Variants in MROH9 observed in about 807,000 individuals in gnomAD.
MROH9 encodes the protein maestro heat-like repeat-containing protein family member 9.
MROH9 carries 92 observed loss-of-function variants against 98.2 expected under a neutral mutation model. That is an observed-to-expected ratio of 0.94 (90% CI 0.79 to 1.11). The LOEUF is 1.11. Ranked by LOEUF, MROH9 falls within the 50% of genes most tolerant of loss-of-function variation. The probability of loss-of-function intolerance (pLI) is 0.00; values close to 1 mark genes in which losing one functional copy is unlikely to be tolerated. For missense variants in MROH9, 1,057 were observed against 1,014.8 expected (o/e 1.04, Z -0.57); for synonymous variants, 397 against 368.9 (o/e 1.08, Z -0.87).
intron 8 of MROH9, among the ~76,000 whole-genome samples, chr1:170,978,704 A>G (rs1245074878): frequency 6.6e-6 from 1 of 151,686 alleles, no homozygotes; most frequent in East Asian, 1.9e-4. Flanking sequence ...ATTGAAGGGG[A>G]CAGGTGGGAG....
At chr1:171,040,603 C>T (rs947117432) in intron 20 of MROH9, among the ~76,000 whole-genome samples, 2 of 152,018 alleles carry the variant, frequency 1.3e-5, no homozygotes, top group Non-Finnish European at 1.5e-5. Context: ...TGCATTTAAA[C>T]CTCAGAATGG....
intron 20 of MROH9, among the ~76,000 whole-genome samples, chr1:171,055,678 G>A (rs929440786): frequency 6.6e-6 from 1 of 151,536 alleles, no homozygotes; most frequent in Non-Finnish European, 1.5e-5. Flanking sequence ...GGAAAAGGTG[G>A]GAAGGGATGA....
intron 20 of MROH9, among the ~76,000 whole-genome samples, chr1:171,056,009 T>C (rs1033241443): frequency 3.3e-5 from 5 of 152,118 alleles, no homozygotes; most frequent in African/African-American, 9.7e-5. Context: ...AACCCACAGA[T>C]TGAAAGATCC....
chr1:171,001,773 G>A (rs1651791235), intron 15 of MROH9, among the ~76,000 whole-genome samples: 1 of 152,120 alleles, frequency 6.6e-6, no homozygotes, highest in Non-Finnish European at 1.5e-5. Context: ...CCAATGTATA[G>A]TTTAAATCCA....
chr1:170,999,340 A>G (rs1651705339), intron 15 of MROH9, among the ~76,000 whole-genome samples: 1 of 152,078 alleles, frequency 6.6e-6, no homozygotes, highest in African/African-American at 2.4e-5. Flanking sequence ...CCAAGTCCCC[A>G]AAGTCCATTG....
chr1:170,936,826 C>A (rs1190450781), intron 1 of MROH9, among the ~76,000 whole-genome samples: 1 of 151,438 alleles, frequency 6.6e-6, no homozygotes, highest in Non-Finnish European at 1.5e-5. Context: ...AAGGACTGAG[C>A]CCTGAACAAA....
At chr1:171,062,520 T>C (rs1654045011) in intron 21 of MROH9, among the ~76,000 whole-genome samples, 1 of 152,230 alleles carries the variant, frequency 6.6e-6, no homozygotes, top group South Asian at 2.1e-4. Flanking sequence ...CTAACAAATA[T>C]TTTTTAGCAT....
intron 7 of MROH9, 94 bp downstream of exon 7, chr1:170,965,349 G>A (rs1650193248): frequency 1.2e-6 from 1 of 811,584 alleles, no homozygotes; most frequent in Non-Finnish European, 2.0e-6. Context: ...GTACTTGACA[G>A]GTCCTTGGTA....
intron 1 of MROH9, among the ~76,000 whole-genome samples, chr1:170,939,598 T>C (rs1649037935): frequency 6.6e-6 from 1 of 152,166 alleles, no homozygotes; most frequent in East Asian, 1.9e-4. Flanking sequence ...TTTTGGCCAT[T>C]TCTTTATGTA....
At chr1:171,003,808 G>C (rs1651861392) in intron 15 of MROH9, among the ~76,000 whole-genome samples, 1 of 152,116 alleles carries the variant, frequency 6.6e-6, no homozygotes, top group African/African-American at 2.4e-5. Context: ...GAACTCCCAA[G>C]ATTATATGCC....
At chr1:171,016,907 G>T (rs974937300) in intron 17 of MROH9, among the ~76,000 whole-genome samples, 1 of 152,034 alleles carries the variant, frequency 6.6e-6, no homozygotes, top group Non-Finnish European at 1.5e-5. Flanking sequence ...GAAAACTTTG[G>T]TATGCCATGG....
chr1:170,947,443 C>T (rs536628707), intron 2 of MROH9, 84 bp from the exon 3 acceptor site: 5 of 1,125,282 alleles, frequency 4.4e-6, no homozygotes, highest in African/African-American at 1.5e-5. Flanking sequence ...GTCATAGTAG[C>T]TTCAGGTTTG....
At chr1:171,058,158 C>G (rs1653904500) in intron 20 of MROH9, among the ~76,000 whole-genome samples, 1 of 152,154 alleles carries the variant, frequency 6.6e-6, no homozygotes, top group African/African-American at 2.4e-5. Flanking sequence ...GATACAAAAT[C>G]AATGTGCAAA....
chr1:171,055,618 TA>T (rs1204544479), intron 20 of MROH9, among the ~76,000 whole-genome samples: 5,027 of 78,134 alleles, frequency 0.064, 123 homozygotes, highest in African/African-American at 0.12. Flanking sequence ...TGAGACTTCA[TA>T]AAAAAAAAAA....
chr1:171,022,850 A>G (rs1207792067), intron 17 of MROH9, among the ~76,000 whole-genome samples: 3 of 152,330 alleles, frequency 2.0e-5, no homozygotes, highest in Non-Finnish European at 4.4e-5. Context: ...TATTTTACAT[A>G]AATCTCTAAG....
intron 8 of MROH9, among the ~76,000 whole-genome samples, chr1:170,982,549 T>C (rs996002629): frequency 1.8e-4 from 27 of 152,116 alleles, no homozygotes; most frequent in Non-Finnish European, 3.1e-4. Flanking sequence ...GGTAATGTTT[T>C]ACTGAGTGTA....
intron 1 of MROH9, among the ~76,000 whole-genome samples, chr1:170,939,405 T>A (rs926322636): frequency 6.6e-6 from 1 of 152,198 alleles, no homozygotes; most frequent in African/African-American, 2.4e-5. Flanking sequence ...TTCAGAGATG[T>A]CCCAAAAGGG....
At chr1:170,957,882 C>A (rs9427202) in intron 3 of MROH9, among the ~76,000 whole-genome samples, 11,785 of 151,172 alleles carry the variant, frequency 0.078, 593 homozygotes, top group Non-Finnish European at 0.11. Flanking sequence ...CATCTCGGCT[C>A]ACTGCAAGCT....
intron 1 of MROH9, among the ~76,000 whole-genome samples, chr1:170,937,814 C>T (rs1003831379): frequency 5.9e-5 from 9 of 152,242 alleles, no homozygotes; most frequent in East Asian, 1.9e-4. Flanking sequence ...TGAGCCACCG[C>T]GCCCGGCCCA....
Sources: allele counts gnomAD v4.1 joint callset (sites outside exome capture counted in the v4.1 genomes callset), GRCh38; gene constraint gnomAD v4.1.1; transcripts MANE v1.5; gene names NCBI Gene and HGNC (gene_info 2026-07-23, HGNC 2026-07-21).